The following FBXL14 variants were observed in gnomAD, a reference collection of about 807,000 sequenced individuals.
FBXL14 encodes the protein F-box/LRR-repeat protein 14.
A neutral mutation model predicts 24.5 loss-of-function variants in FBXL14; 11 were observed. That is an observed-to-expected ratio of 0.45 (90% CI 0.28 to 0.74). FBXL14 has a LOEUF of 0.74. FBXL14 is among the 30% of genes least tolerant of loss of function. FBXL14 has a pLI of 0.12. For missense variants in FBXL14, 384 were observed against 545.6 expected, an observed-to-expected ratio of 0.70 and a Z score of 2.95; for synonymous variants, 294 against 240.4, an observed-to-expected ratio of 1.22 and a Z score of -2.06.
chr12:1,593,578 G>A lies in FBXL14; in HGVS notation c.489C>T (p.Leu163=). The A allele has an allele frequency of 6.8e-6, 11 of 1,614,186 alleles. No individual in the cohort carries two copies. Among genetic ancestry groups the A allele is most frequent in the South Asian group, 1.1e-5 (1 of 91,086 alleles). The change falls in exon 1 of 2, where the codon CTC becomes CTT. Residue 163 remains leucine (L), a synonymous_variant. Transcript: ENST00000339235. The surrounding 1 kb of genome is among the most constrained non-coding windows in gnomAD (Gnocchi z 7.4). ...TGAGGCGCTGCAGACCCCAGGCGAT[G>A]AGCAGAAGGCCAGTGTTGGTGATGT... ...CSNITNTGLL[L]IAWGLQRLKS...
At chr12:1,589,342 G>T (rs1033441937) in intron 1 of FBXL14, among the ~76,000 whole-genome samples, 4 of 149,260 alleles carry the variant, frequency 2.7e-5, no homozygotes, top group African/African-American at 1.0e-4. Context: ...AGGCTGCAGT[G>T]GGTTGTGATT....
At chr12:1,582,273 G>A (rs142433026) in intron 1 of FBXL14, among the ~76,000 whole-genome samples, 3 of 152,018 alleles carry the variant, frequency 2.0e-5, no homozygotes, top group African/African-American at 4.8e-5. Flanking sequence ...GAAAGAAAAC[G>A]GAGTCCAGGA....
In FBXL14 at chr12:1,569,397, C is replaced by CTTT. The variant is rs35122636; in HGVS notation, c.1195-2590_1195-2588dup. ...ATGCTAAATAAGAAACCACTTCGTTCTTTTTTTTTTTTTTTTTGTCTGAGA... is the reference window on the plus strand; with the variant it reads ...ATGCTAAATAAGAAACCACTTCGTTCTTTTTTTTTTTTTTTTTTTTGTCTGAGA... On this transcript the variant is annotated intron_variant, in intron 1 of 1. Coordinates refer to ENST00000339235, the MANE Select transcript of FBXL14 (RefSeq NM_152441.3). The surrounding 1 kb of genome is among the most constrained non-coding windows in gnomAD (Gnocchi z 4.2). Among the ~76,000 whole-genome samples, 3 of 134,926 alleles carry CTTT rather than the reference C, an allele frequency of 2.2e-5. No individual in the cohort carries two copies. The highest frequency in any genetic ancestry group is 2.1e-4 in the East Asian group (1 of 4,770). The allele number at this position is 134,926 out of a possible 152,430, so 88.5% of individuals were successfully genotyped here. A position where few individuals can be genotyped will look rare whatever the true frequency, so the allele number is the denominator to read the frequency against.
chr12:1,586,182 G>GT (rs79133793), intron 1 of FBXL14, among the ~76,000 whole-genome samples: 11,871 of 137,706 alleles, frequency 0.086, 550 homozygotes, highest in African/African-American at 0.12. Flanking sequence ...AGCATTTGGG[G>GT]TTTTTTTTTT....
Position 1,594,516 on chromosome 12 carries a change from G to A in FBXL14, c.-450C>T, listed in dbSNP as rs2094497728. 6.8e-6 allele frequency among the ~76,000 whole-genome samples: 1 copy of A among 147,280 alleles called. No individual in the cohort carries two copies. The highest frequency in any genetic ancestry group is 1.5e-5 in the Non-Finnish European group (1 of 66,128). ...CGGCGGGCGGCGAGGGGGCCCCGGG[G>A]GCCGGGCGCACGGGCTCCGGGCGCG... is the stretch of plus-strand genomic sequence containing the variant. On this transcript the variant is annotated 5_prime_UTR_variant, in exon 1 of 2. Transcript: ENST00000339235.
At chr12:1,568,538 G>T (rs2094439897) in intron 1 of FBXL14, among the ~76,000 whole-genome samples, 2 of 152,030 alleles carry the variant, frequency 1.3e-5, no homozygotes, top group Non-Finnish European at 2.9e-5. Context: ...ACAGATAACT[G>T]TTCAAAGTAA....
chr12:1,586,441 A>C (rs2094476717), intron 1 of FBXL14, among the ~76,000 whole-genome samples: 1 of 152,170 alleles, frequency 6.6e-6, no homozygotes, highest in African/African-American at 2.4e-5. Flanking sequence ...TCGTGTGTTC[A>C]AGTGATCCTC....
Position 1,567,890 on chromosome 12 carries a change from C to T in FBXL14, c.1195-1080G>A, listed in dbSNP as rs574376512. Among the ~76,000 whole-genome samples, 16 of 152,190 alleles carry T rather than the reference C, an allele frequency of 1.1e-4. No individual in the cohort carries two copies. The highest frequency in any genetic ancestry group is 8.3e-4 in the South Asian group (4 of 4,820). On this transcript the variant is annotated intron_variant, in intron 1 of 1. Coordinates refer to ENST00000339235, the MANE Select transcript of FBXL14 (RefSeq NM_152441.3). The surrounding 1 kb of genome is among the most constrained non-coding windows in gnomAD (Gnocchi z 4.8). ...GAAAACCCACCCACACGCACACGCG[C>T]GCACACACGTGCGCACACACACAGA...
chr12:1,567,923 A>T lies in FBXL14; in HGVS notation c.1195-1113T>A, dbSNP rs1194937172. Among the ~76,000 whole-genome samples, 1 of 152,260 alleles carries T rather than the reference A, an allele frequency of 6.6e-6. No individual in the cohort carries two copies. Among genetic ancestry groups the T allele is most frequent in the East Asian group, 1.9e-4 (1 of 5,198 alleles). On this transcript the variant is annotated intron_variant, in intron 1 of 1. Coordinates refer to ENST00000339235, the MANE Select transcript of FBXL14 (RefSeq NM_152441.3). The surrounding 1 kb of genome is among the most constrained non-coding windows in gnomAD (Gnocchi z 4.8). ...CGTGCGCACACACACAGAACAGAAT[A>T]TCCAAGAACTGTGGGACATCTACAA... is the stretch of plus-strand genomic sequence containing the variant.
At chr12:1,566,848 G>A (rs1485659669) in intron 1 of FBXL14, 38 bp from the exon 2 acceptor site, 7 of 779,996 alleles carry the variant, frequency 9.0e-6, no homozygotes, top group African/African-American at 1.7e-5. Context: ...TTTTGAAAGA[G>A]ACTGCCGCAC....
In FBXL14 at chr12:1,594,229, C is replaced by A. The variant is rs938884950; in HGVS notation, c.-163G>T. The A allele has an allele frequency of 3.7e-6, 1 of 269,740 alleles. No homozygotes were observed. The allele number at this position is 269,740 out of a possible 1,614,324, so 16.7% of individuals were successfully genotyped here. A position where few individuals can be genotyped will look rare whatever the true frequency, so the allele number is the denominator to read the frequency against. On this transcript the variant is annotated 5_prime_UTR_variant, in exon 1 of 2. Coordinates refer to ENST00000339235, the MANE Select transcript of FBXL14 (RefSeq NM_152441.3). ...CTCCCCGCCTTCCGGCTCCGGCCGC[C>A]GCCGCCGCTCCTCCTCCTGGTCCGT...
At chr12:1,591,831 G>A (rs2094490873) in intron 1 of FBXL14, among the ~76,000 whole-genome samples, 1 of 152,186 alleles carries the variant, frequency 6.6e-6, no homozygotes, top group African/African-American at 2.4e-5. Context: ...GGAAGAGGGT[G>A]AGGGTAGGGC....
At chr12:1,566,863 C>T in intron 1 of FBXL14, 53 bp from the exon 2 acceptor site, 1 of 776,868 alleles carries the variant, frequency 1.3e-6, no homozygotes, top group East Asian at 2.4e-5. Context: ...CCGCACTCTG[C>T]TCTTCCTAAC....
intron 1 of FBXL14, among the ~76,000 whole-genome samples, chr12:1,592,308 A>C (rs924313671): frequency 1.3e-5 from 2 of 151,746 alleles, no homozygotes; most frequent in East Asian, 1.9e-4. Flanking sequence ...AAGAAGATTA[A>C]GAACATGAAA....
At position 1,569,461 on chromosome 12, in the gene FBXL14, C is replaced by T. The variant is rs536403460; in HGVS notation, c.1195-2651G>A. Reference sequence around the variant, plus strand: ...TGTCACCCAGGCTAGAGTGCAGTGCCGCAATCTCGGCTCACTGCAAGCTCC... The same window carrying T: ...TGTCACCCAGGCTAGAGTGCAGTGCTGCAATCTCGGCTCACTGCAAGCTCC... On this transcript the variant is annotated intron_variant, in intron 1 of 1. Transcript: ENST00000339235. The surrounding 1 kb of genome is among the most constrained non-coding windows in gnomAD (Gnocchi z 4.2). 4.6e-5 allele frequency among the ~76,000 whole-genome samples: 7 copies of T among 151,746 alleles called. No homozygotes were observed. Among genetic ancestry groups the T allele is most frequent in the African/African-American group, 1.5e-4 (6 of 41,364 alleles).
Position 1,569,410 on chromosome 12 carries a change from T to C in FBXL14, c.1195-2600A>G, listed in dbSNP as rs2094441490. ...AACCACTTCGTTCTTTTTTTTTTTT[T>C]TTTTGTCTGAGACGGAGTCTCGCTC... On this transcript the variant is annotated intron_variant, in intron 1 of 1. Coordinates refer to ENST00000339235, the MANE Select transcript of FBXL14 (RefSeq NM_152441.3). The surrounding 1 kb of genome is among the most constrained non-coding windows in gnomAD (Gnocchi z 4.2). 6.6e-6 allele frequency among the ~76,000 whole-genome samples: 1 copy of C among 151,252 alleles called. No homozygotes were observed. Among genetic ancestry groups the C allele is most frequent in the Non-Finnish European group, 1.5e-5 (1 of 67,662 alleles).
intron 1 of FBXL14, among the ~76,000 whole-genome samples, chr12:1,575,357 TTATC>T (rs1157029660): frequency 4.6e-5 from 7 of 152,254 alleles, no homozygotes; most frequent in Non-Finnish European, 5.9e-5. Context: ...TTCTCTAATC[TTATC>T]TATCTGTCTT....
intron 1 of FBXL14, among the ~76,000 whole-genome samples, chr12:1,572,690 C>T (rs1213243904): frequency 6.6e-6 from 1 of 152,098 alleles, no homozygotes; most frequent in East Asian, 1.9e-4. Flanking sequence ...CAGCGTGCAG[C>T]AGAATTTAGA....
At chr12:1,566,913 CCTAA>C (rs2094437348) in intron 1 of FBXL14, 103 bp from the exon 2 acceptor site, 1 of 671,958 alleles carries the variant, frequency 1.5e-6, no homozygotes, top group African/African-American at 1.8e-5. Context: ...TTTATCAGCG[CCTAA>C]CTGACCTGGG....
Sources: allele counts gnomAD v4.1 joint callset (sites outside exome capture counted in the v4.1 genomes callset), GRCh38; gene constraint gnomAD v4.1.1; non-coding constraint Gnocchi (gnomAD v3.1); transcripts MANE v1.5; gene names NCBI Gene and HGNC (gene_info 2026-07-23, HGNC 2026-07-21).